The following DPY19L3 variants were observed in gnomAD, a reference collection of about 807,000 sequenced individuals.
DPY19L3 encodes protein C-mannosyl-transferase DPY19L3.
Under a neutral mutation model 92.3 loss-of-function variants are expected in DPY19L3, and 51 were observed. The observed-to-expected ratio is 0.55, with a 90% CI of 0.44 to 0.70. The LOEUF is 0.70. Ranked by LOEUF, DPY19L3 falls within the 30% of genes least tolerant of loss-of-function variation. DPY19L3 has a pLI of 0.00. For missense variants in DPY19L3, 706 were observed against 855.9 expected (o/e 0.82, Z 2.18); for synonymous variants, 309 against 315.2 (o/e 0.98, Z 0.21).
Position 32,482,228 on chromosome 19 carries a change from C to T in DPY19L3, c.2139C>T (p.Ser713=). 2 of 1,611,786 alleles carry T rather than the reference C, an allele frequency of 1.2e-6. No individual in the cohort carries two copies. Among genetic ancestry groups the T allele is most frequent in the Non-Finnish European group, 1.7e-6 (2 of 1,179,366 alleles). ...AAACCTTCCACGTTTACAAGCTGTCCAGAAACAAGTAGCGCAGATTTCTGC... is the reference window on the plus strand; with the variant it reads ...AAACCTTCCACGTTTACAAGCTGTCTAGAAACAAGTAGCGCAGATTTCTGC... The part of the protein sequence containing the change: ...QNKTFHVYKL[S]RNK Residue 713 remains serine, a synonymous_variant, in exon 19 of 19, where the codon TCC becomes TCT. Transcript: ENST00000392250.
At chr19:32,438,312 T>C (rs1457817409) in intron 6 of DPY19L3, among the ~76,000 whole-genome samples, 3 of 152,196 alleles carry the variant, frequency 2.0e-5, no homozygotes, top group East Asian at 1.9e-4. Flanking sequence ...ATATGTGTTA[T>C]ATGGGTTCTT....
At chr19:32,413,571 G>A (rs924559932) in intron 3 of DPY19L3, among the ~76,000 whole-genome samples, 4 of 151,530 alleles carry the variant, frequency 2.6e-5, no homozygotes, top group African/African-American at 9.7e-5. Flanking sequence ...TCTAGCATTA[G>A]GTATATCTCC....
At chr19:32,429,003 G>A (rs545850612) in intron 3 of DPY19L3, among the ~76,000 whole-genome samples, 1,685 of 151,680 alleles carry the variant, frequency 0.011, 12 homozygotes, top group Non-Finnish European at 0.018. Context: ...GCCTGCCACC[G>A]CGCTTGGCTA....
At position 32,472,568 on chromosome 19, in the gene DPY19L3, A is replaced by G. The variant is rs538800650; in HGVS notation, c.1697+3755A>G. Among the ~76,000 whole-genome samples the G allele has an allele frequency of 8.7e-4, 129 of 147,732 alleles. No individual in the cohort carries two copies. In the Middle Eastern group the frequency reaches 0.01, roughly 12 times the overall value. The stretch of plus-strand genomic sequence containing the variant: ...TTTTTTGCCTTCTGGTGTCTCTTTC[A>G]GCAAAAGTCAGGCGGTAGTTTTAAA... On this transcript the variant is annotated intron_variant, in intron 16 of 18. Transcript: ENST00000392250.
At chr19:32,464,218 CA>C (rs1195008700) in intron 14 of DPY19L3, among the ~76,000 whole-genome samples, 2 of 151,134 alleles carry the variant, frequency 1.3e-5, no homozygotes, top group African/African-American at 2.4e-5. Flanking sequence ...TTTGGAAATA[CA>C]AAAAAAAGCA....
At chr19:32,423,277 C>T (rs189662430) in intron 3 of DPY19L3, among the ~76,000 whole-genome samples, 138 of 152,156 alleles carry the variant, frequency 9.1e-4, no homozygotes, top group African/African-American at 3.2e-3. Context: ...CTCGCTCTGT[C>T]GCCTAGGCTG....
At chr19:32,413,225 A>G (rs1280695448) in intron 3 of DPY19L3, 3 of 152,214 alleles carry the variant, frequency 2.0e-5, no homozygotes, top group Non-Finnish European at 2.9e-5. Context: ...GAAGTGACTG[A>G]TGAAGGATCT....
chr19:32,463,866 C>T lies in DPY19L3; in HGVS notation c.1446-3C>T, dbSNP rs376456466. Reference sequence around the variant, plus strand: ...TGACTTGCGCCTGTGTCTGTTCTTGCAGAATGAAGTACCTCTGGACGTCAC... The same window carrying T: ...TGACTTGCGCCTGTGTCTGTTCTTGTAGAATGAAGTACCTCTGGACGTCAC... On this transcript the variant is annotated splice_region_variant and splice_polypyrimidine_tract_variant and intron_variant, in intron 13 of 18. Transcript: ENST00000392250. 2.6e-4 allele frequency: 420 copies of T among 1,611,098 alleles called. No homozygotes were observed. The highest frequency in any genetic ancestry group is 3.5e-4 in the Non-Finnish European group (407 of 1,177,922).
At chr19:32,479,544 C>T (rs1970610645) in intron 17 of DPY19L3, 3 of 397,358 alleles carry the variant, frequency 7.5e-6, no homozygotes, top group Non-Finnish European at 1.5e-5. Context: ...AGCATCCTAC[C>T]TCCCTACCAT....
intron 3 of DPY19L3, among the ~76,000 whole-genome samples, chr19:32,424,919 A>G (rs1968706266): frequency 6.6e-6 from 1 of 152,250 alleles, no homozygotes; most frequent in African/African-American, 2.4e-5. Flanking sequence ...GAATACAGAC[A>G]TAAATCCTTA....
Position 32,434,779 on chromosome 19 carries a change from A to G in DPY19L3, c.329-1667A>G, listed in dbSNP as rs184123858. Among the ~76,000 whole-genome samples, 306 of 152,368 alleles carry G rather than the reference A, an allele frequency of 2.0e-3. 3 individuals are homozygous for G. The highest frequency in any genetic ancestry group is 6.8e-3 in the African/African-American group (282 of 41,598). On this transcript the variant is annotated intron_variant, in intron 4 of 18. Transcript: ENST00000392250. ...TCTGAGGTTAGGGAGCCACATGGTCAGGTTCTAGGGAGGGCTCTCTTCCTG... is the reference window on the plus strand; with the variant it reads ...TCTGAGGTTAGGGAGCCACATGGTCGGGTTCTAGGGAGGGCTCTCTTCCTG...
intron 8 of DPY19L3, among the ~76,000 whole-genome samples, chr19:32,445,972 A>T (rs534083107): frequency 6.6e-6 from 1 of 152,260 alleles, no homozygotes; most frequent in South Asian, 2.1e-4. Context: ...ATTGCACTCC[A>T]GCCTGGGAGA....
chr19:32,441,582 C>A (rs1014259557), intron 8 of DPY19L3, among the ~76,000 whole-genome samples: 1 of 151,674 alleles, frequency 6.6e-6, no homozygotes, highest in Admixed American at 6.6e-5. Flanking sequence ...ACTACAACCT[C>A]CACCTCCTGA....
intron 8 of DPY19L3, among the ~76,000 whole-genome samples, chr19:32,442,929 A>G (rs1198229048): frequency 4.6e-5 from 7 of 152,134 alleles, no homozygotes; most frequent in African/African-American, 7.2e-5. Context: ...AACTTTCACC[A>G]TCTCCCAGAG....
intron 3 of DPY19L3, among the ~76,000 whole-genome samples, chr19:32,414,975 A>T (rs1968329857): frequency 6.6e-6 from 1 of 152,240 alleles, no homozygotes; most frequent in Non-Finnish European, 1.5e-5. Flanking sequence ...AACACTGCAG[A>T]GAACATGGAA....
Position 32,439,829 on chromosome 19 carries a change from G to A in DPY19L3, c.774G>A (p.Trp258Ter). Residue 258 changes from tryptophan (W) to a stop codon, truncating the protein, a stop_gained, in exon 8 of 19, where the codon TGG becomes TGA. Coordinates refer to ENST00000392250, the MANE Select transcript of DPY19L3 (RefSeq NM_001172774.2). LOFTEE classifies it high-confidence loss of function. ...FISTFLFSLT[W>*]QFNQFMMLMQ... ...CAACTTTTCTCTTTAGTCTGACATG[G>A]CAATTTAATCAATTTATGATGCTGA... 1.9e-6 allele frequency: 3 copies of A among 1,613,800 alleles called. No homozygotes were observed. The highest frequency in any genetic ancestry group is 2.5e-6 in the Non-Finnish European group (3 of 1,179,810).
chr19:32,474,631 C>G (rs562394894), intron 16 of DPY19L3, among the ~76,000 whole-genome samples: 1 of 152,182 alleles, frequency 6.6e-6, no homozygotes, highest in South Asian at 2.1e-4. Context: ...TGCTCTGTTG[C>G]CCAGGCTGGA....
intron 15 of DPY19L3, among the ~76,000 whole-genome samples, chr19:32,465,659 G>A (rs936575705): frequency 6.6e-6 from 1 of 152,050 alleles, no homozygotes; most frequent in Admixed American, 6.5e-5. Context: ...GGGTTTATTT[G>A]CTTATATTTT....
chr19:32,437,324 G>A lies in DPY19L3; in HGVS notation c.581G>A (p.Trp194Ter). 3 of 1,613,522 alleles carry A rather than the reference G, an allele frequency of 1.9e-6. No homozygotes were observed. The highest frequency in any genetic ancestry group is 2.5e-6 in the Non-Finnish European group (3 of 1,179,698). ...TWLSGLLAAFWYVTNRIDTTR... is the reference protein window; with the variant it reads ...TWLSGLLAAF ...CTGTCAGGACTGTTGGCAGCTTTCT[G>A]GTATGTCACAAATAGGTGAGTTGGA... The change falls in exon 6 of 19, where the codon TGG becomes TAG. Residue 194 changes from tryptophan (W) to a stop codon, truncating the protein, a stop_gained. Transcript: ENST00000392250. LOFTEE classifies it high-confidence loss of function.
Sources: gnomAD v4.1 joint callset for allele counts (sites outside exome capture counted in the v4.1 genomes callset) on GRCh38, gnomAD v4.1.1 for gene constraint, MANE v1.5 for transcripts, NCBI Gene and HGNC (gene_info 2026-07-23, HGNC 2026-07-21) for gene names.